ANKRD30BL: variants seen among roughly 807,000 people sequenced by gnomAD.
The protein encoded by ANKRD30BL is ankyrin repeat domain 30B like, also known as putative ankyrin repeat domain-containing protein 30B-like.
In ANKRD30BL, 20 loss-of-function variants were observed where a neutral mutation model predicts 18.4. The observed-to-expected ratio is 1.09, with a 90% CI of 0.77 to 1.58. The LOEUF (loss-of-function observed/expected upper bound fraction) is 1.58, where lower values mean the gene tolerates loss of function less well. ANKRD30BL is among the 40% of genes most tolerant of loss of function. ANKRD30BL has a pLI of 0.00. For synonymous variants in ANKRD30BL, 72 were observed against 100.9 expected (o/e 0.71, Z 1.72); for missense variants, 224 against 268.6 (o/e 0.83, Z 1.16).
intron 1 of ANKRD30BL, among the ~76,000 whole-genome samples, chr2:132,210,829 C>T (rs202067556): frequency 6.6e-6 from 1 of 151,538 alleles, no homozygotes; most frequent in Non-Finnish European, 1.5e-5. Flanking sequence ...TTTGTAGTAT[C>T]TGCAAGTGGA....
rs1679289734 is a variant in ANKRD30BL, at chr2:132,209,549, C to T, written n.441+47980G>A. Among the ~76,000 whole-genome samples the T allele has an allele frequency of 2.0e-5, 3 of 152,150 alleles. No homozygotes were observed. In the South Asian group the frequency reaches 6.2e-4, roughly 32 times the overall value. On this transcript the variant is annotated intron_variant and non_coding_transcript_variant, in intron 1 of 4. Transcript: ENST00000470729. ...AACTACACAAATGCCTTCTGAGAAA[C>T]TTCTTTGTGATGTGTGCATTCATCT...
chr2:132,197,926 A>G (rs1394168103), intron 1 of ANKRD30BL, among the ~76,000 whole-genome samples: 2 of 152,086 alleles, frequency 1.3e-5, no homozygotes, highest in Middle Eastern at 3.5e-3. Flanking sequence ...TTTTATTTTT[A>G]TATTTAAATA....
intron 1 of ANKRD30BL, among the ~76,000 whole-genome samples, chr2:132,221,357 C>T (rs1157279107): frequency 4.4e-4 from 62 of 139,768 alleles, no homozygotes; most frequent in East Asian, 1.5e-3. Context: ...CCGCCCAGTC[C>T]GGGAGGGGGG....
At chr2:132,167,946 A>T (rs1177750495) in intron 1 of ANKRD30BL, among the ~76,000 whole-genome samples, 5 of 152,144 alleles carry the variant, frequency 3.3e-5, no homozygotes, top group Non-Finnish European at 7.4e-5. Context: ...GTAACTAAAC[A>T]GTTATCTTAT....
At chr2:132,198,324 C>CTTTCTTTTCTTT (rs1387738908) in intron 1 of ANKRD30BL, among the ~76,000 whole-genome samples, 1 of 16,814 alleles carries the variant, frequency 5.9e-5, no homozygotes, top group African/African-American at 1.4e-4. Context: ...TTCTTTCTTT[C>CTTTCTTTTCTTT]TTTTTTTTTT....
At chr2:132,173,446 A>G (rs2104942563) in intron 1 of ANKRD30BL, among the ~76,000 whole-genome samples, 1 of 151,722 alleles carries the variant, frequency 6.6e-6, no homozygotes, top group South Asian at 2.1e-4. Context: ...ACTACAGGCC[A>G]CCACGCCCGG....
intron 1 of ANKRD30BL, among the ~76,000 whole-genome samples, chr2:132,197,506 T>G (rs1460150330): frequency 3.3e-5 from 5 of 152,062 alleles, no homozygotes; most frequent in African/African-American, 1.2e-4. Flanking sequence ...CCATTAGGTA[T>G]GTTTTTTGAT....
chr2:132,168,036 TC>T (rs1451851040), intron 1 of ANKRD30BL, among the ~76,000 whole-genome samples: 1 of 152,224 alleles, frequency 6.6e-6, no homozygotes, highest in Non-Finnish European at 1.5e-5. Context: ...TATCTGAATT[TC>T]TCACTTGCAT....
At chr2:132,200,668 T>G (rs1319387205) in intron 1 of ANKRD30BL, among the ~76,000 whole-genome samples, 4 of 152,160 alleles carry the variant, frequency 2.6e-5, no homozygotes, top group Non-Finnish European at 5.9e-5. Flanking sequence ...TGGAAGAACA[T>G]TCCATGCTCA....
intron 1 of ANKRD30BL, among the ~76,000 whole-genome samples, chr2:132,200,828 C>T (rs541466133): frequency 6.6e-6 from 1 of 152,250 alleles, no homozygotes; most frequent in East Asian, 1.9e-4. Context: ...AAAGAGCCCG[C>T]ATCGCCAAGT....
At chr2:132,204,431 A>T (rs1395220744) in intron 1 of ANKRD30BL, among the ~76,000 whole-genome samples, 1 of 151,424 alleles carries the variant, frequency 6.6e-6, no homozygotes, top group Non-Finnish European at 1.5e-5. Context: ...GCATGTCTAT[A>T]CTTATACTAT....
intron 1 of ANKRD30BL, among the ~76,000 whole-genome samples, chr2:132,207,008 A>T (rs1487779485): frequency 6.6e-6 from 1 of 152,124 alleles, no homozygotes; most frequent in African/African-American, 2.4e-5. Context: ...GATATCAACC[A>T]TACTGAATTA....
chr2:132,157,588 C>T (rs1294386003), intron 1 of ANKRD30BL, among the ~76,000 whole-genome samples, 165 bp from the exon 2 acceptor site: 1 of 152,194 alleles, frequency 6.6e-6, no homozygotes, highest in Non-Finnish European at 1.5e-5. Flanking sequence ...TGTTATTACT[C>T]ACTACATTAA....
intron 1 of ANKRD30BL, among the ~76,000 whole-genome samples, chr2:132,216,958 T>A (rs947430285): frequency 1.6e-4 from 25 of 152,104 alleles, no homozygotes; most frequent in Non-Finnish European, 1.5e-4. Flanking sequence ...CTCAGAAACT[T>A]CTTTGTGATG....
intron 1 of ANKRD30BL, among the ~76,000 whole-genome samples, chr2:132,241,107 C>G (rs906314775): frequency 1.3e-5 from 2 of 151,788 alleles, no homozygotes; most frequent in African/African-American, 4.8e-5. Context: ...TTTTGTAACA[C>G]TCTTTTTGTA....
At position 132,147,941 on chromosome 2, in the gene ANKRD30BL, T is replaced by A; in HGVS notation, c.*190A>T. 1 of 560,060 alleles carries A rather than the reference T, an allele frequency of 1.8e-6. No homozygotes were observed. The highest frequency in any genetic ancestry group is 2.1e-5 in the South Asian group (1 of 47,262). The allele number at this position is 560,060 out of a possible 1,614,324, so 34.7% of individuals were successfully genotyped here. On this transcript the variant is annotated 3_prime_UTR_variant, in exon 6 of 6. Coordinates refer to ENST00000409867, the MANE Select transcript of ANKRD30BL (RefSeq NM_001358416.1). ...CTAGAAGGGGGCTGTTTAATGAAAC[T>A]AGGGGCAAGGAGGCATAACGAACGA...
chr2:132,164,372 C>T (rs1163281715), upstream of ANKRD30BL, among the ~76,000 whole-genome samples: 1 of 150,010 alleles, frequency 6.7e-6, no homozygotes, highest in Non-Finnish European at 1.5e-5. Context: ...CTCACTGCAA[C>T]CTCTACTTCC....
intron 1 of ANKRD30BL, among the ~76,000 whole-genome samples, chr2:132,221,366 G>A (rs1393894690): frequency 1.7e-4 from 24 of 144,082 alleles, no homozygotes; most frequent in South Asian, 1.3e-3. Flanking sequence ...CCGGGAGGGG[G>A]GAGGGGGGGT....
intron 1 of ANKRD30BL, among the ~76,000 whole-genome samples, chr2:132,199,159 G>A (rs1286112256): frequency 6.6e-6 from 1 of 151,948 alleles, no homozygotes; most frequent in Admixed American, 6.6e-5. Context: ...AGACCATTTT[G>A]GCCAAGATGG....
Sources: gnomAD v4.1 joint callset for allele counts (sites outside exome capture counted in the v4.1 genomes callset) on GRCh38, gnomAD v4.1.1 for gene constraint, MANE v1.5 for transcripts, NCBI Gene and HGNC (gene_info 2026-07-23, HGNC 2026-07-21) for gene names.